Variants in MAGI3 observed in about 807,000 individuals in gnomAD.
MAGI3 encodes membrane-associated guanylate kinase, WW and PDZ domain-containing protein 3.
In MAGI3, 43 loss-of-function variants were observed where a neutral mutation model predicts 121.8. The observed-to-expected ratio is 0.35, with a 90% CI of 0.28 to 0.46. MAGI3 has a LOEUF of 0.46. Among genes scored for constraint, MAGI3 ranks in the 20% least tolerant of loss-of-function variants. MAGI3 has a pLI of 1.00. For missense variants in MAGI3, 1,547 were observed against 1,797.3 expected (o/e 0.86, Z 2.52); for synonymous variants, 553 against 639.3 (o/e 0.86, Z 2.04).
Position 113,684,133 on chromosome 1 carries a change from A to T in MAGI3, c.*119A>T. 1 of 1,161,582 alleles carries T rather than the reference A, an allele frequency of 8.6e-7. No individual in the cohort carries two copies. Among genetic ancestry groups the T allele is most frequent in the Non-Finnish European group, 1.2e-6 (1 of 858,330 alleles). The allele number at this position is 1,161,582 out of a possible 1,614,324, so 72.0% of individuals were successfully genotyped here. A position where few individuals can be genotyped will look rare whatever the true frequency, so the allele number is the denominator to read the frequency against. ...AAACAGATAAGTACATGTTAATGTG[A>T]GCCTCAAGTTACCTAGGCTGCATGA... On this transcript the variant is annotated 3_prime_UTR_variant, in exon 21 of 21. Transcript: ENST00000307546.
intron 3 of MAGI3, 125 bp from the exon 4 acceptor site, chr1:113,585,262 C>T (rs1648291370): frequency 1.2e-6 from 1 of 821,558 alleles, no homozygotes; most frequent in Non-Finnish European, 1.9e-6. Context: ...GCCACCATGC[C>T]CACCCCTATG....
chr1:113,483,204 T>C (rs1217963930), intron 1 of MAGI3, among the ~76,000 whole-genome samples: 1 of 152,188 alleles, frequency 6.6e-6, no homozygotes, highest in East Asian at 1.9e-4. Flanking sequence ...GAATGCAAAG[T>C]GGTGCTGATA....
At chr1:113,473,111 C>T (rs561174555) in intron 1 of MAGI3, among the ~76,000 whole-genome samples, 1 of 152,268 alleles carries the variant, frequency 6.6e-6, no homozygotes, top group African/African-American at 2.4e-5. Flanking sequence ...CTCACTTTAG[C>T]ATTTCTTGTA....
At chr1:113,449,710 A>G (rs370321069) in intron 1 of MAGI3, 1 of 868,764 alleles carries the variant, frequency 1.2e-6, no homozygotes, top group Non-Finnish European at 2.0e-6. Flanking sequence ...ATGGAGGGCC[A>G]TGATCCAAAG....
At chr1:113,481,570 C>A (rs1434485619) in intron 1 of MAGI3, among the ~76,000 whole-genome samples, 1 of 151,392 alleles carries the variant, frequency 6.6e-6, no homozygotes, top group East Asian at 1.9e-4. Flanking sequence ...ATTTTTAATT[C>A]TTTAATTTAG....
chr1:113,674,419 G>C (rs1176428838), intron 19 of MAGI3, among the ~76,000 whole-genome samples: 1 of 147,418 alleles, frequency 6.8e-6, no homozygotes, highest in East Asian at 2.0e-4. Flanking sequence ...GACATTTGCT[G>C]TCTTCAATTT....
At chr1:113,468,998 T>C (rs929767743) in intron 1 of MAGI3, among the ~76,000 whole-genome samples, 1 of 152,152 alleles carries the variant, frequency 6.6e-6, no homozygotes, top group Non-Finnish European at 1.5e-5. Context: ...ATAAGCCTTT[T>C]GAAGAATTGA....
intron 1 of MAGI3, among the ~76,000 whole-genome samples, chr1:113,541,759 G>A (rs1337837798): frequency 1.3e-5 from 2 of 152,200 alleles, no homozygotes; most frequent in East Asian, 3.8e-4. Context: ...GGGTTTTAGT[G>A]TCAGACCTGA....
At chr1:113,440,424 G>A (rs998746311) in intron 1 of MAGI3, among the ~76,000 whole-genome samples, 3 of 152,118 alleles carry the variant, frequency 2.0e-5, no homozygotes, top group Non-Finnish European at 4.4e-5. Flanking sequence ...GAAGTTGCAG[G>A]TGTTACATTT....
intron 1 of MAGI3, among the ~76,000 whole-genome samples, chr1:113,421,860 AT>A (rs530093400): frequency 9.2e-4 from 130 of 140,668 alleles, no homozygotes; most frequent in African/African-American, 1.7e-3. Flanking sequence ...AACCACCTTG[AT>A]TTTTTTTTTT....
At chr1:113,609,260 GAGA>G (rs1649977806) in intron 6 of MAGI3, among the ~76,000 whole-genome samples, 1 of 152,188 alleles carries the variant, frequency 6.6e-6, no homozygotes, top group Non-Finnish European at 1.5e-5. Context: ...ATGCTGAAAA[GAGA>G]AGAATAATAT....
intron 1 of MAGI3, among the ~76,000 whole-genome samples, chr1:113,444,821 A>G (rs1557760695): frequency 6.6e-6 from 1 of 152,216 alleles, no homozygotes; most frequent in African/African-American, 2.4e-5. Flanking sequence ...ACTGTCTTAA[A>G]GATGCTTAGG....
chr1:113,585,233 G>T (rs1355673339), intron 3 of MAGI3, among the ~76,000 whole-genome samples, 154 bp from the exon 4 acceptor site: 1 of 152,012 alleles, frequency 6.6e-6, no homozygotes, highest in Admixed American at 6.6e-5. Context: ...CTCCCAAAGT[G>T]CTGGGATTAC....
intron 1 of MAGI3, among the ~76,000 whole-genome samples, chr1:113,461,221 A>G (rs1655015891): frequency 6.6e-6 from 1 of 152,234 alleles, no homozygotes; most frequent in Non-Finnish European, 1.5e-5. Flanking sequence ...TCACAGAACT[A>G]GAAAAAACTA....
At position 113,683,332 on chromosome 1, in the gene MAGI3, C is replaced by A. The variant is rs1648335277; in HGVS notation, c.3764C>A (p.Ser1255Tyr). 6.2e-7 allele frequency: 1 copy of A among 1,613,832 alleles called. No homozygotes were observed. Among genetic ancestry groups the A allele is most frequent in the Non-Finnish European group, 8.5e-7 (1 of 1,179,890 alleles). The change falls in exon 21 of 21, where the codon TCC (serine) becomes TAC (tyrosine). Residue 1255 changes from serine (S) to tyrosine (Y), a missense_variant. By Grantham distance (144) the Ser-to-Tyr change is moderately radical. Coordinates refer to ENST00000307546, the MANE Select transcript of MAGI3 (RefSeq NM_001142782.2). ...NNPKRRPRDQ[S>Y]LSPSKGENKS... ...CCCAAAAGAAGACCCAGAGATCAAT[C>A]CCTCAGCCCCAGCAAAGGGGAAAAT... is the stretch of plus-strand genomic sequence containing the variant.
intron 5 of MAGI3, 146 bp downstream of exon 5, chr1:113,590,804 G>A (rs1032442862): frequency 4.2e-6 from 3 of 715,768 alleles, no homozygotes; most frequent in Non-Finnish European, 6.6e-6. Flanking sequence ...AAAACTGACA[G>A]TTGATTTTTA....
chr1:113,437,806 T>TTCTTCTTCTTC (rs1653654507), intron 1 of MAGI3, among the ~76,000 whole-genome samples: 1 of 119,500 alleles, frequency 8.4e-6, no homozygotes, highest in South Asian at 3.1e-4. Flanking sequence ...TCTTTCTTCT[T>TTCTTCTTCTTC]TTCTTCTTCT....
At chr1:113,682,007 G>C (rs1487059160) in intron 20 of MAGI3, among the ~76,000 whole-genome samples, 1 of 151,544 alleles carries the variant, frequency 6.6e-6, no homozygotes, top group Non-Finnish European at 1.5e-5. Context: ...CCCACCTCCT[G>C]CCCTACCCCA....
chr1:113,679,882 T>G (rs1648109597), intron 19 of MAGI3, among the ~76,000 whole-genome samples: 1 of 152,004 alleles, frequency 6.6e-6, no homozygotes, highest in South Asian at 2.1e-4. Context: ...ATTTTGTATT[T>G]TTAGTAGAGA....
Sources: gnomAD v4.1 joint callset for allele counts (sites outside exome capture counted in the v4.1 genomes callset) on GRCh38, gnomAD v4.1.1 for gene constraint, MANE v1.5 for transcripts, NCBI Gene and HGNC (gene_info 2026-07-23, HGNC 2026-07-21) for gene names.